Variants in UBE2W observed in about 807,000 individuals in gnomAD.
The protein encoded by UBE2W is ubiquitin-conjugating enzyme E2 W.
Under a neutral mutation model 27.2 loss-of-function variants are expected in UBE2W, and 18 were observed. The ratio of observed to expected loss-of-function variants is 0.66; its 90% CI spans 0.46 to 0.98. The LOEUF (loss-of-function observed/expected upper bound fraction) is 0.98, where lower values mean the gene tolerates loss of function less well. Ranked by LOEUF, UBE2W falls within the 50% of genes least tolerant of loss-of-function variation. The pLI is 0.00. For synonymous variants in UBE2W, 53 were observed against 57.2 expected, an observed-to-expected ratio of 0.93 and a Z score of 0.33; for missense variants, 90 against 180.2, an observed-to-expected ratio of 0.50 and a Z score of 2.87.
At chr8:73,878,684 A>T in intron 1 of UBE2W, 124 bp downstream of exon 1, 1 of 842,902 alleles carries the variant, frequency 1.2e-6, no homozygotes, top group African/African-American at 1.7e-5. Context: ...GAGGGAAAAC[A>T]GGCCACCCGG....
chr8:73,843,555 G>A (rs1776512365), intron 1 of UBE2W, among the ~76,000 whole-genome samples: 1 of 152,038 alleles, frequency 6.6e-6, no homozygotes, highest in African/African-American at 2.4e-5. Flanking sequence ...AAGATTTCTT[G>A]AGCCCAGGAG....
Position 73,831,778 on chromosome 8 carries a change from A to T in UBE2W, c.16-1306T>A, listed in dbSNP as rs1021262382. 24 of 151,680 alleles carry T rather than the reference A, an allele frequency of 1.6e-4. 1 individual carries two copies. Among genetic ancestry groups the T allele is most frequent in the African/African-American group, 5.8e-4 (24 of 41,352 alleles). The allele number at this position is 151,680 out of a possible 1,614,324, so 9.4% of individuals were successfully genotyped here. On this transcript the variant is annotated intron_variant, in intron 1 of 5. Coordinates refer to ENST00000602593, the MANE Select transcript of UBE2W (RefSeq NM_018299.6). ...TCACTATGTTGCACAGGCTGGTCTT[A>T]AACTCCTGGCCTCAAGTGCTCCTTC...
chr8:73,850,725 T>TAAAAAAAAAAAAAAAAAAAAA (rs11318665), intron 1 of UBE2W, among the ~76,000 whole-genome samples: 1 of 63,590 alleles, frequency 1.6e-5, no homozygotes, highest in African/African-American at 5.6e-5. Flanking sequence ...AGCAGGACAT[T>TAAAAAAAAAAAAAAAAAAAAA]AAAAAAAAAA....
At chr8:73,827,639 C>T (rs961827675) in intron 2 of UBE2W, among the ~76,000 whole-genome samples, 10 of 152,134 alleles carry the variant, frequency 6.6e-5, no homozygotes, top group African/African-American at 2.4e-4. Flanking sequence ...AAGTGACTCC[C>T]CCACCTCAGA....
At chr8:73,858,476 T>C (rs1047147773) in intron 1 of UBE2W, among the ~76,000 whole-genome samples, 3 of 151,964 alleles carry the variant, frequency 2.0e-5, no homozygotes, top group African/African-American at 7.2e-5. Context: ...TTTGACATCC[T>C]ACGTTGCCAA....
intron 1 of UBE2W, among the ~76,000 whole-genome samples, chr8:73,851,635 A>G (rs1358493389): frequency 1.3e-5 from 2 of 152,186 alleles, no homozygotes; most frequent in Non-Finnish European, 2.9e-5. Context: ...TGGCATATGT[A>G]CTGGAGAAGT....
In UBE2W at chr8:73,793,879, T is replaced by C; in HGVS notation, c.*223A>G. The C allele has an allele frequency of 7.9e-7, 1 of 1,267,642 alleles. No individual in the cohort carries two copies. Among genetic ancestry groups the C allele is most frequent in the Non-Finnish European group, 1.0e-6 (1 of 999,868 alleles). 78.5% of individuals were successfully genotyped at this position (1,267,642 alleles called of 1,614,324 possible). ...ATTATATTTGACATTTCCTGACACC[T>C]GCATTAATACTGTATGACTAATAAA... On this transcript the variant is annotated 3_prime_UTR_variant, in exon 6 of 6. Coordinates refer to ENST00000602593, the MANE Select transcript of UBE2W (RefSeq NM_018299.6).
At chr8:73,815,669 C>A (rs1351345270) in intron 3 of UBE2W, among the ~76,000 whole-genome samples, 1 of 152,114 alleles carries the variant, frequency 6.6e-6, no homozygotes, top group Admixed American at 6.6e-5. Context: ...ACGAAGGAGG[C>A]ACAACTACTG....
intron 2 of UBE2W, among the ~76,000 whole-genome samples, chr8:73,827,574 G>C (rs996834386): frequency 1.3e-5 from 2 of 152,090 alleles, no homozygotes; most frequent in African/African-American, 2.4e-5. Context: ...CTGTCACCCA[G>C]GCTGGAGTAC....
Position 73,844,870 on chromosome 8 carries a change from C to T in UBE2W, c.16-14398G>A, listed in dbSNP as rs548579449. On this transcript the variant is annotated intron_variant, in intron 1 of 5. Transcript: ENST00000602593. ...TCTGGGAGGTGCGGAGCGTCTCCGACGGGCCACCCCGTCTGAGAAGTGAGG... is the reference window on the plus strand; with the variant it reads ...TCTGGGAGGTGCGGAGCGTCTCCGATGGGCCACCCCGTCTGAGAAGTGAGG... 2.7e-4 allele frequency among the ~76,000 whole-genome samples: 41 copies of T among 150,854 alleles called. 1 individual carries two copies. Among genetic ancestry groups the T allele is most frequent in the African/African-American group, 9.0e-4 (37 of 41,030 alleles).
chr8:73,806,121 C>T (rs948112938), intron 4 of UBE2W, among the ~76,000 whole-genome samples: 5 of 152,046 alleles, frequency 3.3e-5, no homozygotes, highest in Non-Finnish European at 5.9e-5. Flanking sequence ...TGACATTGCA[C>T]TCCAGCCTGA....
chr8:73,878,842 G>A lies in UBE2W; in HGVS notation c.-20C>T, dbSNP rs1427960563. 1.3e-6 allele frequency: 2 copies of A among 1,549,102 alleles called. No individual in the cohort carries two copies. Among genetic ancestry groups the A allele is most frequent in the Non-Finnish European group, 1.7e-6 (2 of 1,145,634 alleles). ...CGCCATGATGGAACCATCCCCCCAA[G>A]ACCGGCGAGGCCAGAGACGCAGGGG... On this transcript the variant is annotated 5_prime_UTR_variant, in exon 1 of 6. Coordinates refer to ENST00000602593, the MANE Select transcript of UBE2W (RefSeq NM_018299.6).
chr8:73,797,805 T>G (rs540690669), intron 5 of UBE2W, among the ~76,000 whole-genome samples: 1 of 152,304 alleles, frequency 6.6e-6, no homozygotes, highest in Admixed American at 6.5e-5. Context: ...GCCAATTCAT[T>G]TCCTATGAGC....
intron 1 of UBE2W, among the ~76,000 whole-genome samples, chr8:73,856,303 A>C (rs1252936424): frequency 6.8e-6 from 1 of 147,928 alleles, no homozygotes; most frequent in Non-Finnish European, 1.5e-5. Context: ...CCCCCTCCCC[A>C]CTTTCTACCT....
At chr8:73,866,290 A>AAATATATATATAT (rs1248216873) in intron 1 of UBE2W, among the ~76,000 whole-genome samples, 5 of 43,088 alleles carry the variant, frequency 1.2e-4, no homozygotes, top group African/African-American at 3.0e-4. Flanking sequence ...AAAAAAAAAA[A>AAATATATATATAT]ATATATATAT....
At chr8:73,832,749 T>C (rs1229504495) in intron 1 of UBE2W, among the ~76,000 whole-genome samples, 2 of 152,190 alleles carry the variant, frequency 1.3e-5, no homozygotes, top group Non-Finnish European at 2.9e-5. Flanking sequence ...TACCTTTGAG[T>C]GTCATGTTGC....
At chr8:73,863,590 AG>A (rs754786522) in intron 1 of UBE2W, among the ~76,000 whole-genome samples, 7 of 114,266 alleles carry the variant, frequency 6.1e-5, no homozygotes, top group Admixed American at 2.1e-4. Flanking sequence ...AAAAAAAAAA[AG>A]AAAAAAAAAT....
intron 1 of UBE2W, among the ~76,000 whole-genome samples, chr8:73,848,017 TAC>T (rs1268363083): frequency 6.6e-6 from 1 of 150,584 alleles, no homozygotes; most frequent in African/African-American, 2.4e-5. Flanking sequence ...GCCTGACCAA[TAC>T]AGAGAAACCC....
chr8:73,878,709 C>A, intron 1 of UBE2W, 99 bp downstream of exon 1: 5 of 1,135,342 alleles, frequency 4.4e-6, no homozygotes, highest in Non-Finnish European at 5.2e-6. Flanking sequence ...ATCCCGAACC[C>A]GCCCGGGTGT....
Sources: gnomAD v4.1 joint callset for allele counts (sites outside exome capture counted in the v4.1 genomes callset) on GRCh38, gnomAD v4.1.1 for gene constraint, MANE v1.5 for transcripts, NCBI Gene and HGNC (gene_info 2026-07-23, HGNC 2026-07-21) for gene names.